Variants in AKR1C8 observed in about 807,000 individuals in gnomAD.
The protein encoded by AKR1C8 is aldo-keto reductase family 1 member C8, also known as aldo-keto reductase family 1 member C-like protein 1.
the AKR1C8 span, among the ~76,000 whole-genome samples, chr10:5,145,418 A>C: frequency 2.0e-4 from 31 of 152,266 alleles, no homozygotes; most frequent in South Asian, 1.2e-3. Context: ...CAACCTACAA[A>C]ATGGGAGAAA....
the AKR1C8 span, among the ~76,000 whole-genome samples, chr10:5,165,514 A>G: frequency 5.9e-5 from 9 of 152,250 alleles, no homozygotes; most frequent in East Asian, 1.2e-3. Context: ...ATCTGTGAAC[A>G]GAAAAAGGCC....
At chr10:5,128,022 G>A in the AKR1C8 span, among the ~76,000 whole-genome samples, 1 of 152,066 alleles carries the variant, frequency 6.6e-6, no homozygotes, top group Non-Finnish European at 1.5e-5. Flanking sequence ...AATCCTAAGA[G>A]AGGTGAGAAA....
chr10:5,152,442 G>A, the AKR1C8 span, among the ~76,000 whole-genome samples: 2 of 152,172 alleles, frequency 1.3e-5, no homozygotes, highest in Non-Finnish European at 2.9e-5. Flanking sequence ...CTTTGTGACT[G>A]TTGATGTATA....
the AKR1C8 span, among the ~76,000 whole-genome samples, chr10:5,153,455 T>C: frequency 6.6e-6 from 1 of 152,162 alleles, no homozygotes; most frequent in Non-Finnish European, 1.5e-5. Context: ...TAAAAACACA[T>C]ATGTAAATAA....
chr10:5,137,521 G>A, the AKR1C8 span, among the ~76,000 whole-genome samples: 808 of 152,098 alleles, frequency 5.3e-3, 3 homozygotes, highest in African/African-American at 0.018. Context: ...TCAATAGATG[G>A]AGAAAAGGCC....
At chr10:5,125,155 C>A in the AKR1C8 span, among the ~76,000 whole-genome samples, 4 of 151,884 alleles carry the variant, frequency 2.6e-5, no homozygotes, top group South Asian at 2.1e-4. Context: ...ATTAGGTATA[C>A]TTTTGGTACT....
chr10:5,133,791 T>C, the AKR1C8 span, among the ~76,000 whole-genome samples: 1 of 152,184 alleles, frequency 6.6e-6, no homozygotes, highest in East Asian at 1.9e-4. Context: ...CGGGTGGCAG[T>C]CTGTTGTGTT....
the AKR1C8 span, among the ~76,000 whole-genome samples, chr10:5,160,326 A>T: frequency 1.3e-5 from 2 of 151,342 alleles, no homozygotes; most frequent in Non-Finnish European, 2.9e-5. Flanking sequence ...AGCAAAGGAG[A>T]CTCTTGGGTT....
At chr10:5,123,797 G>T in the AKR1C8 span, 41 of 1,613,008 alleles carry the variant, frequency 2.5e-5, no homozygotes, top group Middle Eastern at 6.6e-4. Context: ...GTTTGCTCTG[G>T]TTGAGGTAAG....
the AKR1C8 span, among the ~76,000 whole-genome samples, chr10:5,165,741 T>C: frequency 1.3e-5 from 2 of 152,122 alleles, no homozygotes; most frequent in Non-Finnish European, 2.9e-5. Flanking sequence ...GGGCCATAGC[T>C]TGAAAAGACA....
the AKR1C8 span, among the ~76,000 whole-genome samples, chr10:5,130,995 G>A: frequency 6.6e-6 from 1 of 151,850 alleles, no homozygotes; most frequent in East Asian, 1.9e-4. Context: ...ATAAAAATAG[G>A]CATTTAGATA....
At chr10:5,119,435 A>T in the AKR1C8 span, among the ~76,000 whole-genome samples, 1 of 152,196 alleles carries the variant, frequency 6.6e-6, no homozygotes, top group Admixed American at 6.5e-5. Context: ...AAAAATGCAC[A>T]AAACAAGCAT....
chr10:5,178,055 C>G, the AKR1C8 span, among the ~76,000 whole-genome samples: 1 of 152,008 alleles, frequency 6.6e-6, no homozygotes, highest in Non-Finnish European at 1.5e-5. Flanking sequence ...TTTTCTAGTT[C>G]TTTTAATTGT....
chr10:5,160,022 T>C, the AKR1C8 span: 4 of 361,356 alleles, frequency 1.1e-5, 1 homozygote, highest in Admixed American at 3.5e-5. Context: ...AGGAAGGATA[T>C]GGGTGATAGA....
At chr10:5,170,217 T>C in the AKR1C8 span, among the ~76,000 whole-genome samples, 3 of 152,132 alleles carry the variant, frequency 2.0e-5, no homozygotes, top group African/African-American at 7.2e-5. Flanking sequence ...GCATAGCTTA[T>C]TTTAGAAACT....
chr10:5,178,259 G>A, the AKR1C8 span, among the ~76,000 whole-genome samples: 1 of 152,176 alleles, frequency 6.6e-6, no homozygotes, highest in Non-Finnish European at 1.5e-5. Flanking sequence ...TTCAGGAGCA[G>A]GTTGTTCAGT....
the AKR1C8 span, among the ~76,000 whole-genome samples, chr10:5,121,812 G>T: frequency 6.6e-6 from 1 of 151,998 alleles, no homozygotes; most frequent in African/African-American, 2.4e-5. Flanking sequence ...GGGTAAGAGC[G>T]TCCAAAGCGT....
chr10:5,153,861 A>G, the AKR1C8 span, among the ~76,000 whole-genome samples: 1 of 152,212 alleles, frequency 6.6e-6, no homozygotes, highest in East Asian at 1.9e-4. Context: ...TGTTGTTTAG[A>G]AAAATCATGA....
At chr10:5,175,525 G>C in the AKR1C8 span, among the ~76,000 whole-genome samples, 2 of 152,106 alleles carry the variant, frequency 1.3e-5, no homozygotes, top group Non-Finnish European at 2.9e-5. Flanking sequence ...GGTATTTCTA[G>C]TTCTAGATCC....
Sources: gnomAD v4.1 joint callset for allele counts (sites outside exome capture counted in the v4.1 genomes callset) on GRCh38, gnomAD v4.1.1 for gene constraint, MANE v1.5 for transcripts, NCBI Gene and HGNC (gene_info 2026-07-23, HGNC 2026-07-21) for gene names.